The following CDH26 variants were observed in gnomAD, a reference collection of about 807,000 sequenced individuals.
The protein encoded by CDH26 is cadherin-like protein 26.
Under a neutral mutation model 90.3 loss-of-function variants are expected in CDH26, and 83 were observed. The observed-to-expected ratio is 0.92, with a 90% CI of 0.77 to 1.10. CDH26 has a LOEUF of 1.10. Ranked by LOEUF, CDH26 falls within the 50% of genes least tolerant of loss-of-function variation. The pLI, the probability that CDH26 is intolerant of heterozygous loss-of-function variation, is 0.00. For missense variants in CDH26, 1,013 were observed against 1,037.6 expected, an observed-to-expected ratio of 0.98 and a Z score of 0.33; for synonymous variants, 397 against 396.3, an observed-to-expected ratio of 1.00 and a Z score of -0.02.
chr20:60,031,371 C>A, exon 8 of CDH26: 1 of 1,267,398 alleles, frequency 7.9e-7, no homozygotes, highest in Non-Finnish European at 1.0e-6. Context: ...AACGGAAACA[C>A]GGGGCTTTGG....
chr20:59,987,546 G>A lies in CDH26; in HGVS notation c.931G>A (p.Ala311Thr). 1 of 1,613,994 alleles carries A rather than the reference G, an allele frequency of 6.2e-7. No homozygotes were observed. Among genetic ancestry groups the A allele is most frequent in the Non-Finnish European group, 8.5e-7 (1 of 1,179,946 alleles). ...TTCTCCATTTACATCAGCTTGGAGA[G>A]CAAAATTCAACATATTGCATGGCAA... ...RDSPFTSAWRAKFNILHGNEE... is the reference protein window; with the variant it reads ...RDSPFTSAWRTKFNILHGNEE... Residue 311 changes from alanine (A) to threonine (T), a missense_variant, in exon 8 of 18, where the codon GCA becomes ACA. Transcript: ENST00000348616.
chr20:59,975,183 G>A (rs185057561), intron 4 of CDH26, among the ~76,000 whole-genome samples: 1 of 152,270 alleles, frequency 6.6e-6, no homozygotes, highest in East Asian at 1.9e-4. Flanking sequence ...TTTGGATATA[G>A]GGTCTTTGTA....
Position 60,012,176 on chromosome 20 carries a change from C to T in CDH26, c.2296-351C>T, listed in dbSNP as rs115856743. Among the ~76,000 whole-genome samples, 765 of 151,560 alleles carry T rather than the reference C, an allele frequency of 5.0e-3. 8 individuals are homozygous for T. Among genetic ancestry groups the T allele is most frequent in the African/African-American group, 0.018 (732 of 41,250 alleles). On this transcript the variant is annotated intron_variant, in intron 17 of 17. Transcript: ENST00000348616. Reference sequence around the variant, plus strand: ...AGGGGACAGTTGTCCAAACGAGGGCCGGGGGGTCATGGAAGGGGAGGTGTC... The same window carrying T: ...AGGGGACAGTTGTCCAAACGAGGGCTGGGGGGTCATGGAAGGGGAGGTGTC...
intron 17 of CDH26, among the ~76,000 whole-genome samples, chr20:60,011,468 A>G (rs1044325865): frequency 6.6e-6 from 1 of 152,218 alleles, no homozygotes; most frequent in Non-Finnish European, 1.5e-5. Context: ...ATTCACTCAA[A>G]TAAATATGTG....
chr20:60,017,664 C>T (rs2061916967), downstream of CDH26, among the ~76,000 whole-genome samples: 1 of 151,536 alleles, frequency 6.6e-6, no homozygotes, highest in Non-Finnish European at 1.5e-5. Context: ...TTCATTTCTT[C>T]TTGAATTTCT....
At chr20:60,019,116 C>T (rs1031633153), downstream of CDH26, among the ~76,000 whole-genome samples, 3 of 152,012 alleles carry the variant, frequency 2.0e-5, no homozygotes, top group African/African-American at 7.2e-5. Context: ...TGACTTGATG[C>T]TTTTCCTTTG....
chr20:59,978,329 T>C (rs1053009626), intron 4 of CDH26, among the ~76,000 whole-genome samples: 1 of 152,120 alleles, frequency 6.6e-6, no homozygotes, highest in African/African-American at 2.4e-5. Flanking sequence ...GGCTGCACCA[T>C]TTTGCATTCT....
At chr20:59,986,091 A>T (rs575126462) in intron 7 of CDH26, 12 of 152,380 alleles carry the variant, frequency 7.9e-5, no homozygotes, top group Admixed American at 7.2e-4. Flanking sequence ...ACATTGCCAA[A>T]TGTCCCTCAG....
intron 3 of CDH26, among the ~76,000 whole-genome samples, chr20:59,970,940 A>G (rs2061254097): frequency 6.6e-6 from 1 of 152,194 alleles, no homozygotes; most frequent in East Asian, 1.9e-4. Flanking sequence ...TTCCCACATT[A>G]CAACAATTAG....
rs142687221 is a variant in CDH26 at position 59,989,062 on chromosome 20, A to T, written c.1182A>T (p.Pro394=). The part of the protein sequence containing the change: ...SVQVTDANDP[P]AFHPQSFIVN... ...AGGTGACAGACGCCAACGACCCACC[A>T]GCCTTTCACCCCCAGAGCTTCATTG... is the stretch of plus-strand genomic sequence containing the variant. Residue 394 remains proline, a synonymous_variant, in exon 9 of 18, where the codon CCA becomes CCT. Transcript: ENST00000348616. 33 of 1,614,082 alleles carry T rather than the reference A, an allele frequency of 2.0e-5. No individual in the cohort carries two copies. In the African/African-American group the frequency reaches 3.2e-4, roughly 16 times the overall value.
chr20:59,984,187 G>A (rs755409712), intron 5 of CDH26, among the ~76,000 whole-genome samples: 1 of 152,104 alleles, frequency 6.6e-6, no homozygotes, highest in African/African-American at 2.4e-5. Flanking sequence ...TGAACATTTT[G>A]CTATGTTTCT....
In CDH26 at chr20:59,958,440, C is replaced by T. The variant is rs535431003; in HGVS notation, c.-287C>T. ...CAGACCCCAGCCAGTCTTTTGTGTA[C>T]GTGCAGGACCATGGTGGCTTTAGTT... On this transcript the variant is annotated 5_prime_UTR_variant, in exon 1 of 18. The change creates a new upstream start codon in the 5' untranslated region. Coordinates refer to ENST00000348616, the MANE Select transcript of CDH26 (RefSeq NM_177980.4). 27 of 320,524 alleles carry T rather than the reference C, an allele frequency of 8.4e-5. No individual in the cohort carries two copies. In the South Asian group the frequency reaches 8.6e-4, roughly 10 times the overall value. The allele number at this position is 320,524 out of a possible 1,614,324, so 19.9% of individuals were successfully genotyped here. A position where few individuals can be genotyped will look rare whatever the true frequency, so the allele number is the denominator to read the frequency against.
At chr20:59,973,497 G>A (rs2145976591) in intron 4 of CDH26, among the ~76,000 whole-genome samples, 1 of 152,086 alleles carries the variant, frequency 6.6e-6, no homozygotes, top group Middle Eastern at 3.4e-3. Context: ...CATCATCCAG[G>A]TATTAAGCCT....
intron 16 of CDH26, 80 bp downstream of exon 16, chr20:60,002,946 G>A: frequency 9.2e-7 from 1 of 1,086,938 alleles, no homozygotes; most frequent in South Asian, 2.1e-5. Flanking sequence ...CCTGAAAATT[G>A]GAAATTTGGA....
rs758332571 is a variant in CDH26, at chr20:59,972,130, A to G, written c.393+7A>G. ...AATGACACCATCTTTCACGGTATCT[A>G]AAACTTGATATATTCTAAGCTCGGA... On this transcript the variant is annotated splice_region_variant and intron_variant, in intron 4 of 17. Coordinates refer to ENST00000348616, the MANE Select transcript of CDH26 (RefSeq NM_177980.4). 2 of 1,612,652 alleles carry G rather than the reference A, an allele frequency of 1.2e-6. No homozygotes were observed. The highest frequency in any genetic ancestry group is 2.2e-5 in the East Asian group (1 of 44,852).
chr20:60,017,664 C>A (rs2061916967), downstream of CDH26, among the ~76,000 whole-genome samples: 1 of 151,536 alleles, frequency 6.6e-6, no homozygotes, highest in Non-Finnish European at 1.5e-5. Context: ...TTCATTTCTT[C>A]TTGAATTTCT....
At chr20:60,011,592 A>G (rs984715027) in intron 17 of CDH26, among the ~76,000 whole-genome samples, 1 of 152,192 alleles carries the variant, frequency 6.6e-6, no homozygotes, top group African/African-American at 2.4e-5. Flanking sequence ...CAGCCCTGCC[A>G]TTGTTCCGTG....
At chr20:59,981,296 A>C (rs1402575105) in intron 4 of CDH26, among the ~76,000 whole-genome samples, 1 of 152,148 alleles carries the variant, frequency 6.6e-6, no homozygotes, top group Admixed American at 6.5e-5. Context: ...GATTGGGATC[A>C]TGCTGACTTT....
At chr20:60,035,531 T>TCA (rs1473485633), downstream of CDH26, among the ~76,000 whole-genome samples, 6 of 152,246 alleles carry the variant, frequency 3.9e-5, no homozygotes, top group Non-Finnish European at 7.3e-5. Context: ...AGCCACTTAT[T>TCA]TTCCTGTGAA....
Sources: gnomAD v4.1 joint callset for allele counts (sites outside exome capture counted in the v4.1 genomes callset) on GRCh38, gnomAD v4.1.1 for gene constraint, MANE v1.5 for transcripts, NCBI Gene and HGNC (gene_info 2026-07-23, HGNC 2026-07-21) for gene names.